The following PDE1C variants were observed in gnomAD, a reference collection of about 807,000 sequenced individuals.
The protein encoded by PDE1C is dual specificity calcium/calmodulin-dependent 3',5'-cyclic nucleotide phosphodiesterase 1C.
PDE1C carries 62 observed loss-of-function variants against 93.1 expected under a neutral mutation model. The observed-to-expected ratio is 0.67, with a 90% CI of 0.54 to 0.82. The LOEUF (loss-of-function observed/expected upper bound fraction) is 0.82, where lower values mean the gene tolerates loss of function less well. Ranked by LOEUF, PDE1C falls within the 40% of genes least tolerant of loss-of-function variation. The probability of loss-of-function intolerance (pLI) is 0.00; values close to 1 mark genes in which losing one functional copy is unlikely to be tolerated. For synonymous variants in PDE1C, 325 were observed against 310.1 expected (o/e 1.05, Z -0.50); for missense variants, 742 against 884.6 (o/e 0.84, Z 2.04).
At chr7:32,207,963 C>G (rs1474593142) in intron 2 of PDE1C, among the ~76,000 whole-genome samples, 2 of 152,194 alleles carry the variant, frequency 1.3e-5, no homozygotes, top group Non-Finnish European at 2.9e-5. Context: ...TGCCTGACAA[C>G]TGCTCAGGAG....
the PDE1C span, among the ~76,000 whole-genome samples, chr7:31,654,733 A>C: frequency 6.6e-6 from 1 of 152,174 alleles, no homozygotes; most frequent in Non-Finnish European, 1.5e-5. Flanking sequence ...AATAGGAAAA[A>C]CTGCTTGGAA....
the PDE1C span, among the ~76,000 whole-genome samples, chr7:31,619,198 T>A: frequency 6.6e-6 from 1 of 152,228 alleles, no homozygotes; most frequent in African/African-American, 2.4e-5. Flanking sequence ...GTGTCCTTTC[T>A]ATGTCTATTT....
Position 31,754,729 on chromosome 7 carries a change from G to A in PDE1C, c.1961-1176C>T, listed in dbSNP as rs112261711. ...ATAAAAACATCAGAGATTGTCAGGC[G>A]TTTGGAAAGAGGAGGGATGGTTAAA... On this transcript the variant is annotated intron_variant, in intron 17 of 17. Transcript: ENST00000396191. Among the ~76,000 whole-genome samples, 481 of 152,260 alleles carry A rather than the reference G, an allele frequency of 3.2e-3. 4 individuals are homozygous for A. The highest frequency in any genetic ancestry group is 0.011 in the African/African-American group (443 of 41,554).
At chr7:32,051,670 G>A (rs551514051) in intron 1 of PDE1C, 90 bp from the exon 2 acceptor site, 10 of 1,019,978 alleles carry the variant, frequency 9.8e-6, no homozygotes, top group Admixed American at 3.5e-5. Flanking sequence ...TGGGCATGGG[G>A]GTCAACACTT....
chr7:31,993,997 G>C (rs1211052850), intron 2 of PDE1C, among the ~76,000 whole-genome samples: 3 of 152,042 alleles, frequency 2.0e-5, no homozygotes, highest in Admixed American at 2.0e-4. Context: ...CTCCAATGAA[G>C]GGCAACTAGA....
At chr7:31,739,339 G>A in the PDE1C span, among the ~76,000 whole-genome samples, 2 of 152,104 alleles carry the variant, frequency 1.3e-5, no homozygotes, top group East Asian at 3.9e-4. Flanking sequence ...TTATAGAAAG[G>A]GTAGGGTGCA....
At chr7:32,081,020 C>T (rs1490333344) in intron 3 of PDE1C, among the ~76,000 whole-genome samples, 3 of 152,088 alleles carry the variant, frequency 2.0e-5, no homozygotes, top group Non-Finnish European at 4.4e-5. Context: ...CTTAGGGACA[C>T]AATTTAAAAG....
intron 1 of PDE1C, among the ~76,000 whole-genome samples, chr7:32,337,576 T>TTAGA (rs1448009268): frequency 6.6e-6 from 1 of 152,192 alleles, no homozygotes; most frequent in Non-Finnish European, 1.5e-5. Context: ...AATACGCCTA[T>TTAGA]TAGATATCTG....
chr7:32,303,777 CT>C (rs1419317619), upstream of PDE1C, among the ~76,000 whole-genome samples: 1 of 152,074 alleles, frequency 6.6e-6, no homozygotes, highest in African/African-American at 2.4e-5. Flanking sequence ...GTTCATTCAA[CT>C]TTTTTTGAGT....
chr7:31,616,888 GCTTA>G, the PDE1C span, among the ~76,000 whole-genome samples: 10 of 152,048 alleles, frequency 6.6e-5, no homozygotes, highest in African/African-American at 1.7e-4. Context: ...AACCTCTCTT[GCTTA>G]CTTTTTGCCT....
chr7:31,663,010 T>G, the PDE1C span, among the ~76,000 whole-genome samples: 2 of 152,186 alleles, frequency 1.3e-5, no homozygotes, highest in African/African-American at 2.4e-5. Flanking sequence ...CCCACCCCTA[T>G]CTGGCTTTAT....
chr7:32,065,566 A>C (rs2128718446), intron 1 of PDE1C, among the ~76,000 whole-genome samples: 1 of 151,942 alleles, frequency 6.6e-6, no homozygotes, highest in Non-Finnish European at 1.5e-5. Flanking sequence ...CTGAAAGTTA[A>C]GTAAGTATCT....
intron 2 of PDE1C, among the ~76,000 whole-genome samples, chr7:32,001,939 A>G (rs556956080): frequency 1.3e-5 from 2 of 152,240 alleles, no homozygotes; most frequent in East Asian, 3.9e-4. Context: ...GGTTCCTGTA[A>G]TCCCAGCTAC....
chr7:32,107,756 CTT>C (rs1798404905), intron 3 of PDE1C, among the ~76,000 whole-genome samples: 1 of 151,988 alleles, frequency 6.6e-6, no homozygotes, highest in Non-Finnish European at 1.5e-5. Context: ...GAGATAAAAT[CTT>C]TTTTCTTAAT....
upstream of PDE1C, among the ~76,000 whole-genome samples, chr7:32,072,022 A>C (rs2128729114): frequency 6.6e-6 from 1 of 152,310 alleles, no homozygotes; most frequent in Non-Finnish European, 1.5e-5. Flanking sequence ...CCTGCTTCCC[A>C]AAAGCATGAT....
At chr7:31,941,974 A>T (rs992748199) in intron 2 of PDE1C, among the ~76,000 whole-genome samples, 3 of 152,216 alleles carry the variant, frequency 2.0e-5, no homozygotes, top group South Asian at 2.1e-4. Context: ...TAAGCAAAAG[A>T]TGCACAAAAC....
At chr7:31,708,425 A>G in the PDE1C span, 2 of 152,222 alleles carry the variant, frequency 1.3e-5, no homozygotes, top group African/African-American at 4.8e-5. Flanking sequence ...AAGATACAAG[A>G]GCTTGCCGGA....
At chr7:32,194,613 A>C (rs1212411710) in intron 2 of PDE1C, among the ~76,000 whole-genome samples, 1 of 152,174 alleles carries the variant, frequency 6.6e-6, no homozygotes, top group East Asian at 1.9e-4. Flanking sequence ...TATAGCCACT[A>C]CAGGTTTCCT....
At chr7:32,366,740 G>A (rs894682655) in intron 1 of PDE1C, among the ~76,000 whole-genome samples, 3 of 152,124 alleles carry the variant, frequency 2.0e-5, no homozygotes, top group African/African-American at 4.8e-5. Flanking sequence ...AAGCCTTATA[G>A]GCCAGGAGAG....
Sources: gnomAD v4.1 joint callset for allele counts (sites outside exome capture counted in the v4.1 genomes callset) on GRCh38, gnomAD v4.1.1 for gene constraint, MANE v1.5 for transcripts, NCBI Gene and HGNC (gene_info 2026-07-23, HGNC 2026-07-21) for gene names.